The following TMEM165 variants were observed in gnomAD, a reference collection of about 807,000 sequenced individuals.
TMEM165 encodes putative divalent cation/proton antiporter TMEM165.
Under a neutral mutation model 30.0 loss-of-function variants are expected in TMEM165, and 19 were observed. The observed-to-expected ratio is 0.63, with a 90% CI of 0.44 to 0.93. The LOEUF (loss-of-function observed/expected upper bound fraction) is 0.93. TMEM165 is among the 40% of genes least tolerant of loss of function. The pLI is 0.00. For synonymous variants in TMEM165, 168 were observed against 162.9 expected (o/e 1.03, Z -0.24); for missense variants, 340 against 417.0 (o/e 0.82, Z 1.61).
downstream of TMEM165, chr4:55,428,975 T>C (rs888137173): frequency 2.9e-5 from 2 of 69,424 alleles, no homozygotes; most frequent in African/African-American, 7.9e-5. Context: ...TGACACATCT[T>C]TTTTTTTTTT....
Position 55,435,383 on chromosome 4 carries a change from C to T in TMEM165, c.408+10740C>T. 1.9e-6 allele frequency: 3 copies of T among 1,613,178 alleles called. 1 individual carries two copies. The South Asian group carries it at 3.3e-5, about 18-fold the overall frequency. ...TAACTCTTAATGGGCCATCCCCTTC[C>T]TCCCTTGATGTCAAGAGAGGAAGCA... is the stretch of plus-strand genomic sequence containing the variant. On this transcript the variant is annotated intron_variant, in intron 3 of 3. Coordinates refer to the TMEM165 transcript ENST00000608091.
intron 3 of TMEM165, among the ~76,000 whole-genome samples, chr4:55,448,592 GCA>G (rs72445552): frequency 0.35 from 46,289 of 130,636 alleles, 7,942 homozygotes; most frequent in East Asian, 0.53. Flanking sequence ...GTGCGCGCGC[GCA>G]CGCGCGCGTG....
chr4:55,448,601 C>CGTGT (rs3034980), intron 3 of TMEM165, among the ~76,000 whole-genome samples: 5,369 of 116,802 alleles, frequency 0.046, 150 homozygotes, highest in Non-Finnish European at 0.067. Flanking sequence ...CGCACGCGCG[C>CGTGT]GTGTGTGTGT....
intron 3 of TMEM165, chr4:55,432,033 TAACA>T (rs1445559066): frequency 6.6e-6 from 1 of 152,218 alleles, no homozygotes; most frequent in Non-Finnish European, 1.5e-5. Flanking sequence ...GAATGTTCTA[TAACA>T]AACTATTCCA....
In TMEM165 at chr4:55,445,582, CTTTTTTTTT is replaced by C. The variant is rs56157186; in HGVS notation, c.409-6639_409-6631del. Among the ~76,000 whole-genome samples the C allele has an allele frequency of 1.2e-4, 8 of 68,572 alleles. 2 individuals carry two copies. The highest frequency in any genetic ancestry group is 4.1e-4 in the Admixed American group (2 of 4,862). The allele number at this position is 68,572 out of a possible 152,430, so 45.0% of individuals were successfully genotyped here. ...TCTCTGCATCTGCTATTTCTATATT[CTTTTTTTTT>C]TTTTTTTTTTTTTTTTTGAGACAGG... On this transcript the variant is annotated intron_variant, in intron 3 of 3. Coordinates refer to the TMEM165 transcript ENST00000608091.
chr4:55,405,868 CAT>C (rs574704025), intron 1 of TMEM165, among the ~76,000 whole-genome samples: 144 of 152,324 alleles, frequency 9.5e-4, no homozygotes, highest in African/African-American at 3.3e-3. Flanking sequence ...TGTCCACAAA[CAT>C]AAAGAATTTC....
In TMEM165 at chr4:55,396,127, G is replaced by A. The variant is rs899293005; in HGVS notation, c.-63G>A. The stretch of plus-strand genomic sequence containing the variant: ...CGCGCCGCGGAGGCTGTTCGGGGTC[G>A]AGGCTTCCCGTCGCCGGCACTTCCT... On this transcript the variant is annotated 5_prime_UTR_variant, in exon 1 of 6. Coordinates refer to ENST00000381334, the MANE Select transcript of TMEM165 (RefSeq NM_018475.5). The A allele has an allele frequency of 3.9e-6, 5 of 1,291,172 alleles. No homozygotes were observed. Among genetic ancestry groups the A allele is most frequent in the Admixed American group, 8.5e-5 (2 of 23,524 alleles). The allele number at this position is 1,291,172 out of a possible 1,614,324, so 80.0% of individuals were successfully genotyped here.
At chr4:55,426,455 C>G (rs568178573), downstream of TMEM165, among the ~76,000 whole-genome samples, 31 of 152,286 alleles carry the variant, frequency 2.0e-4, no homozygotes, top group Non-Finnish European at 4.4e-4. Flanking sequence ...TATGCTAAGA[C>G]TACCTCATTT....
chr4:55,427,963 A>AAGT (rs1185540204), downstream of TMEM165: 1 of 152,230 alleles, frequency 6.6e-6, no homozygotes, highest in Non-Finnish European at 1.5e-5. Flanking sequence ...TGATTCTTAC[A>AAGT]AGTTATGTGC....
chr4:55,440,433 A>AT (rs1295549493), intron 3 of TMEM165, among the ~76,000 whole-genome samples: 1 of 152,206 alleles, frequency 6.6e-6, no homozygotes, highest in Non-Finnish European at 1.5e-5. Flanking sequence ...GATGAAGTTT[A>AT]TAACATTGGT....
At chr4:55,442,660 G>A in intron 3 of TMEM165, 2 of 1,566,708 alleles carry the variant, frequency 1.3e-6, no homozygotes, top group South Asian at 1.1e-5. Flanking sequence ...AGATTTTATA[G>A]ACAGATTAAC....
At chr4:55,446,824 A>G (rs932040672) in intron 3 of TMEM165, among the ~76,000 whole-genome samples, 1 of 152,204 alleles carries the variant, frequency 6.6e-6, no homozygotes, top group African/African-American at 2.4e-5. Flanking sequence ...TCTGTCTTAA[A>G]GTAGCCTCTT....
chr4:55,439,954 A>T (rs1723216046), intron 3 of TMEM165, among the ~76,000 whole-genome samples: 1 of 152,182 alleles, frequency 6.6e-6, no homozygotes. Context: ...GTGACAATGA[A>T]CTGTATATTT....
At chr4:55,425,307 C>T (rs2109568053) in intron 5 of TMEM165, 69 bp from the exon 6 acceptor site, 3 of 1,319,428 alleles carry the variant, frequency 2.3e-6, no homozygotes, top group East Asian at 4.6e-5. Context: ...CATCGGCTCC[C>T]TTTTCATTTT....
chr4:55,413,807 C>T (rs761745465), intron 2 of TMEM165, among the ~76,000 whole-genome samples: 11 of 152,130 alleles, frequency 7.2e-5, no homozygotes, highest in Non-Finnish European at 1.5e-4. Flanking sequence ...TATATATACA[C>T]GTTGTTTACA....
chr4:55,398,567 T>C (rs535277586), intron 1 of TMEM165, among the ~76,000 whole-genome samples: 1 of 152,248 alleles, frequency 6.6e-6, no homozygotes, highest in Non-Finnish European at 1.5e-5. Context: ...TCTTTGATCT[T>C]GAGCCTAGCT....
intron 3 of TMEM165, chr4:55,435,495 G>GTTGC: frequency 6.2e-7 from 1 of 1,614,062 alleles, no homozygotes; most frequent in Non-Finnish European, 8.5e-7. Flanking sequence ...TGAGACTGAT[G>GTTGC]TTGCTGGTGA....
intron 3 of TMEM165, chr4:55,435,740 T>C (rs1312562844): frequency 2.4e-6 from 2 of 849,066 alleles, no homozygotes; most frequent in Non-Finnish European, 3.8e-6. Flanking sequence ...GTTTAAAAAT[T>C]CTAATTTGGA....
intron 3 of TMEM165, chr4:55,450,049 A>G: frequency 6.2e-7 from 1 of 1,609,366 alleles, no homozygotes; most frequent in Non-Finnish European, 8.5e-7. Context: ...AAGTTTAGTT[A>G]GTTACTTTAA....
Sources: allele counts gnomAD v4.1 joint callset (sites outside exome capture counted in the v4.1 genomes callset), GRCh38; gene constraint gnomAD v4.1.1; transcripts MANE v1.5; gene names NCBI Gene and HGNC (gene_info 2026-07-23, HGNC 2026-07-21).